Variants in IFT140 observed in about 807,000 individuals in gnomAD.
The protein encoded by IFT140 is intraflagellar transport 140.
In IFT140, 133 loss-of-function variants were observed where a neutral mutation model predicts 164.6. The observed-to-expected ratio is 0.81, with a 90% CI of 0.70 to 0.93. The LOEUF is 0.93. Among genes scored for constraint, IFT140 ranks in the 40% least tolerant of loss-of-function variants. IFT140 has a pLI of 0.00. For synonymous variants in IFT140, 860 were observed against 817.3 expected, an observed-to-expected ratio of 1.05 and a Z score of -0.89; for missense variants, 2,045 against 1,972.3, an observed-to-expected ratio of 1.04 and a Z score of -0.70.
intron 4 of IFT140, 46 bp from the exon 5 acceptor site, chr16:1,592,634 GCGA>G: frequency 1.9e-6 from 3 of 1,581,400 alleles, no homozygotes; most frequent in South Asian, 1.1e-5. Context: ...TCCCGGCAGA[GCGA>G]CTGGTGGAGG....
At chr16:1,583,861 C>CA (rs1297213288) in intron 11 of IFT140, among the ~76,000 whole-genome samples, 1 of 152,160 alleles carries the variant, frequency 6.6e-6, no homozygotes, top group Non-Finnish European at 1.5e-5. Context: ...TCTCCTGCCT[C>CA]AGCCTCCCAG....
At chr16:1,534,589 TGGCCGA>T in intron 19 of IFT140, 1 of 1,596,492 alleles carries the variant, frequency 6.3e-7, no homozygotes, top group South Asian at 1.1e-5. Flanking sequence ...GCCTTCAGCG[TGGCCGA>T]GGCTCGAGGG....
At chr16:1,526,478 A>G (rs1442372456) in intron 20 of IFT140, 141 bp downstream of exon 20, 10 of 947,992 alleles carry the variant, frequency 1.1e-5, no homozygotes, top group Middle Eastern at 3.4e-4. Context: ...CTGTCTGCCC[A>G]GCTCTCCTGG....
chr16:1,541,022 T>C (rs2031581556), intron 19 of IFT140: 1 of 985,244 alleles, frequency 1.0e-6, no homozygotes, highest in Non-Finnish European at 1.2e-6. Context: ...CGGGAGAACA[T>C]TTCTCTGCTA....
chr16:1,554,038 G>A, intron 19 of IFT140: 1 of 1,287,228 alleles, frequency 7.8e-7, no homozygotes, highest in Non-Finnish European at 1.0e-6. Context: ...CTGGTTTCAG[G>A]CTCTGGAAAG....
At chr16:1,529,876 C>A (rs953866839) in intron 19 of IFT140, among the ~76,000 whole-genome samples, 1 of 152,138 alleles carries the variant, frequency 6.6e-6, no homozygotes, top group African/African-American at 2.4e-5. Flanking sequence ...AAATGATGCA[C>A]GTGGAGTGCA....
chr16:1,519,294 T>C (rs1220717675), intron 29 of IFT140, among the ~76,000 whole-genome samples: 2 of 152,206 alleles, frequency 1.3e-5, no homozygotes, highest in Non-Finnish European at 2.9e-5. Flanking sequence ...AGCTGGGCCC[T>C]GAAGCGCACA....
At chr16:1,513,810 A>G (rs865791679) in intron 30 of IFT140, among the ~76,000 whole-genome samples, 1 of 148,918 alleles carries the variant, frequency 6.7e-6, no homozygotes. Flanking sequence ...AGTAGCTGGG[A>G]CTACAGGCGC....
chr16:1,567,069 TCTC>T (rs1188669809), intron 15 of IFT140, among the ~76,000 whole-genome samples: 4 of 151,856 alleles, frequency 2.6e-5, no homozygotes, highest in Admixed American at 2.0e-4. Context: ...GCAGCAAACA[TCTC>T]CTCACCCAGT....
chr16:1,540,712 G>C, intron 19 of IFT140: 1 of 516,984 alleles, frequency 1.9e-6, no homozygotes, highest in Admixed American at 6.4e-5. Context: ...TTCCCTCTTA[G>C]ATTCCTGCAT....
At chr16:1,581,486 C>A (rs1039573105) in intron 12 of IFT140, among the ~76,000 whole-genome samples, 1 of 151,258 alleles carries the variant, frequency 6.6e-6, no homozygotes, top group Non-Finnish European at 1.5e-5. Context: ...TGTAATCCCA[C>A]CTACTTGGGA....
chr16:1,558,638 G>A (rs2033236340), intron 18 of IFT140, among the ~76,000 whole-genome samples: 1 of 152,164 alleles, frequency 6.6e-6, no homozygotes, highest in South Asian at 2.1e-4. Context: ...GTGCTCCCGA[G>A]GGACCACTGG....
chr16:1,540,787 A>T, intron 19 of IFT140: 1 of 974,836 alleles, frequency 1.0e-6, no homozygotes, highest in African/African-American at 1.8e-5. Context: ...ACTGTTTATA[A>T]CGACTTAGTT....
chr16:1,543,494 T>C (rs1951586801), intron 19 of IFT140, among the ~76,000 whole-genome samples: 1 of 152,178 alleles, frequency 6.6e-6, no homozygotes, highest in Non-Finnish European at 1.5e-5. Context: ...CCTCGAGGCT[T>C]CAGTGGAAGA....
chr16:1,513,708 G>T (rs577218240), intron 30 of IFT140, among the ~76,000 whole-genome samples: 1 of 147,888 alleles, frequency 6.8e-6, no homozygotes, highest in Non-Finnish European at 1.5e-5. Flanking sequence ...GAGTCTTGCT[G>T]TGTCGCCCAG....
At chr16:1,534,367 T>A in intron 19 of IFT140, 1 of 1,612,826 alleles carries the variant, frequency 6.2e-7, no homozygotes, top group Non-Finnish European at 8.5e-7. Context: ...TCCAACTGGG[T>A]GTGCCAGACG....
At chr16:1,595,669 ATAG>A (rs2035427393) in intron 4 of IFT140, among the ~76,000 whole-genome samples, 2 of 152,200 alleles carry the variant, frequency 1.3e-5, no homozygotes, top group African/African-American at 4.8e-5. Context: ...ATCTATTAAA[ATAG>A]CATGTGGCAT....
chr16:1,516,057 T>C (rs1484803988), intron 30 of IFT140, among the ~76,000 whole-genome samples: 1 of 145,660 alleles, frequency 6.9e-6, no homozygotes, highest in Non-Finnish European at 1.5e-5. Flanking sequence ...GGAGAATCAC[T>C]TGAACCTGGA....
In IFT140 at chr16:1,583,401, G is replaced by C; in HGVS notation, c.1360-15C>G. The C allele has an allele frequency of 6.2e-7, 1 of 1,612,852 alleles. No individual in the cohort carries two copies. The highest frequency in any genetic ancestry group is 1.7e-5 in the Admixed American group (1 of 59,984). ...GCGACAGCATCCTGAAAAGAACCAC[G>C]GACATTCGAGGCAAAGGGCGGGAAA... On this transcript the variant is annotated splice_polypyrimidine_tract_variant and intron_variant, in intron 11 of 30. Transcript: ENST00000426508.
Sources: allele counts gnomAD v4.1 joint callset (sites outside exome capture counted in the v4.1 genomes callset), GRCh38; gene constraint gnomAD v4.1.1; transcripts MANE v1.5; gene names NCBI Gene and HGNC (gene_info 2026-07-23, HGNC 2026-07-21).